The following ATG16L2 variants were observed in gnomAD, a reference collection of about 807,000 sequenced individuals.
ATG16L2 encodes autophagy related 16 like 2.
Under a neutral mutation model 84.7 loss-of-function variants are expected in ATG16L2, and 77 were observed. That is an observed-to-expected ratio of 0.91 (90% CI 0.76 to 1.10). ATG16L2 has a LOEUF of 1.10. Among genes scored for constraint, ATG16L2 ranks in the 50% least tolerant of loss-of-function variants. The pLI, the probability that ATG16L2 is intolerant of heterozygous loss-of-function variation, is 0.00. For synonymous variants in ATG16L2, 361 were observed against 342.8 expected, an observed-to-expected ratio of 1.05 and a Z score of -0.59; for missense variants, 782 against 817.6, an observed-to-expected ratio of 0.96 and a Z score of 0.53.
chr11:72,838,668 T>C (rs980132116), intron 5 of ATG16L2: 14 of 777,976 alleles, frequency 1.8e-5, no homozygotes, highest in Non-Finnish European at 2.2e-5. Context: ...CAGTCACACA[T>C]AATCCTCCTT....
chr11:72,822,142 G>A lies in ATG16L2; in HGVS notation c.491G>A (p.Arg164Gln), dbSNP rs1166084942. Residue 164 changes from arginine to glutamine, a missense_variant, in exon 5 of 18, where the codon CGG becomes CAG. Coordinates refer to ENST00000321297, the MANE Select transcript of ATG16L2 (RefSeq NM_033388.2). The surrounding 1 kb of genome is among the most constrained non-coding windows in gnomAD (Gnocchi z 4.2). Reference protein sequence around the residue: ...EEWRAQNAVQRAAYEALRAHV... With the variant: ...EEWRAQNAVQQAAYEALRAHV... ...TGGCGGGCGCAGAATGCGGTGCAGC[G>A]GGCAGCCTACGAGGCGCTGCGCGCG... The A allele has an allele frequency of 6.0e-6, 9 of 1,501,376 alleles. No individual in the cohort carries two copies. The East Asian group carries it at 1.3e-4, about 21-fold the overall frequency. 93.0% of individuals were successfully genotyped at this position (1,501,376 alleles called of 1,614,324 possible).
Position 72,822,775 on chromosome 11 carries a change from G to C in ATG16L2, c.711-73G>C, listed in dbSNP as rs766370199. ...TCATCACTGGGAATTCCTGTCTTCA[G>C]CGTATCCTGTGCTGGGGTCGGGAGG... On this transcript the variant is annotated intron_variant, in intron 6 of 17. Transcript: ENST00000321297. This position sits in a 1 kb window ranked among gnomAD's most constrained non-coding sequence, Gnocchi z 4.2. 45 of 1,226,806 alleles carry C rather than the reference G, an allele frequency of 3.7e-5. No individual in the cohort carries two copies. The highest frequency in any genetic ancestry group is 5.1e-5 in the Non-Finnish European group (45 of 874,832). The allele number at this position is 1,226,806 out of a possible 1,614,324, so 76.0% of individuals were successfully genotyped here.
chr11:72,818,688 G>A (rs1485480705), intron 3 of ATG16L2: 1 of 152,166 alleles, frequency 6.6e-6, no homozygotes, highest in African/African-American at 2.4e-5. Context: ...GTAGAGCCAG[G>A]ATTTGAGCCC....
In ATG16L2 at chr11:72,827,255, T is replaced by C. The variant is rs367645022; in HGVS notation, c.1434T>C (p.Ser478=). ...DVVCGDHIII[S]GHNDQKIRFW... The stretch of plus-strand genomic sequence containing the variant: ...TGTGTGGGGACCATATCATCATTAG[T>C]GGCCACAATGACCAGAAGATCCGGT... Residue 478 remains serine, a synonymous_variant, in exon 14 of 18, where the codon AGT becomes AGC. Transcript: ENST00000321297. 13 of 1,614,038 alleles carry C rather than the reference T, an allele frequency of 8.1e-6. No homozygotes were observed. The highest frequency in any genetic ancestry group is 1.7e-4 in the Middle Eastern group (1 of 6,060).
At chr11:72,827,883 A>C (rs1860453017) in intron 14 of ATG16L2, among the ~76,000 whole-genome samples, 1 of 152,242 alleles carries the variant, frequency 6.6e-6, no homozygotes, top group South Asian at 2.1e-4. Context: ...CAGTGAGCCC[A>C]GATTGCGCCA....
rs1860016097 is a variant in ATG16L2 at position 72,821,909 on chromosome 11, T to A, written c.393-135T>A. On this transcript the variant is annotated intron_variant, in intron 4 of 17. Coordinates refer to ENST00000321297, the MANE Select transcript of ATG16L2 (RefSeq NM_033388.2). The stretch of plus-strand genomic sequence containing the variant: ...ACGGCTGGGCTCTGAGGGCGAAGGC[T>A]TGGGGGAGACCTGGCTTAGCCACCC... The A allele has an allele frequency of 4.2e-6, 6 of 1,420,104 alleles. No individual in the cohort carries two copies. The Admixed American group carries it at 1.6e-4, about 38-fold the overall frequency. 88.0% of individuals were successfully genotyped at this position (1,420,104 alleles called of 1,614,324 possible). A position where few individuals can be genotyped will look rare whatever the true frequency, so the allele number is the denominator to read the frequency against.
chr11:72,814,987 A>C (rs1194725297), intron 1 of ATG16L2, among the ~76,000 whole-genome samples: 1 of 152,082 alleles, frequency 6.6e-6, no homozygotes, highest in Non-Finnish European at 1.5e-5. Context: ...CCATCCGGAG[A>C]GGGGCGACAC....
rs777627260 is a variant in ATG16L2 at position 72,838,760 on chromosome 11, T to C, written c.*22-3857T>C. 8 of 1,554,704 alleles carry C rather than the reference T, an allele frequency of 5.1e-6. No homozygotes were observed. The African/African-American group carries it at 5.4e-5, about 11-fold the overall frequency. On this transcript the variant is annotated intron_variant, in intron 5 of 5. Transcript: ENST00000534905. ...GGCCAAACTCCAAGCCTGGCCTTGA[T>C]TGTAGCAGTAATGGATGGGCAAGCC...
At chr11:72,841,614 G>C (rs1289253297) in intron 5 of ATG16L2, 1 of 1,565,166 alleles carries the variant, frequency 6.4e-7, no homozygotes, top group East Asian at 2.3e-5. Context: ...GTTACCCGGT[G>C]CTCCCCTCCA....
intron 5 of ATG16L2, chr11:72,838,915 G>T: frequency 6.4e-7 from 1 of 1,551,586 alleles, no homozygotes; most frequent in Non-Finnish European, 8.8e-7. Context: ...GTCAGTTCCT[G>T]ACTCAGTATC....
At position 72,826,760 on chromosome 11, in the gene ATG16L2, C is replaced by T. The variant is rs1310479733; in HGVS notation, c.1303C>T (p.His435Tyr). 1.9e-6 allele frequency: 3 copies of T among 1,613,996 alleles called. No homozygotes were observed. Residue 435 changes from histidine to tyrosine, a missense_variant, in exon 13 of 18, where the codon CAC (histidine) becomes TAC (tyrosine). Coordinates refer to ENST00000321297, the MANE Select transcript of ATG16L2 (RefSeq NM_033388.2). The part of the protein sequence containing the change: ...VTAAKFKLTR[H>Y]QAVTGSRDRT... ...AGCTGCCAAATTCAAGCTAACGAGGCACCAGGCAGTGACTGGGAGCCGCGA... is the reference window on the plus strand; with the variant it reads ...AGCTGCCAAATTCAAGCTAACGAGGTACCAGGCAGTGACTGGGAGCCGCGA...
At chr11:72,836,633 CTCTG>C (rs1456713513) in intron 5 of ATG16L2, 1 of 152,508 alleles carries the variant, frequency 6.6e-6, no homozygotes, top group Admixed American at 6.6e-5. Flanking sequence ...TTTCTCCTCT[CTCTG>C]TCTGTTAGCT....
chr11:72,841,360 AAAAAG>A, intron 5 of ATG16L2: 1 of 1,174,956 alleles, frequency 8.5e-7, no homozygotes, highest in South Asian at 1.4e-5. Flanking sequence ...AAAAAAAAAA[AAAAAG>A]CAAATGCAGT....
chr11:72,823,693 C>T (rs1048661204), intron 7 of ATG16L2: 4 of 468,096 alleles, frequency 8.5e-6, no homozygotes, highest in African/African-American at 2.0e-5. Flanking sequence ...GCTGAGGTCA[C>T]CCAGTGAGCC....
downstream of ATG16L2, among the ~76,000 whole-genome samples, chr11:72,830,195 G>A (rs1860576083): frequency 6.6e-6 from 1 of 152,156 alleles, no homozygotes; most frequent in Non-Finnish European, 1.5e-5. Context: ...CAGAGTTGGG[G>A]CAAACCAACT....
intron 13 of ATG16L2, 133 bp downstream of exon 13, chr11:72,826,956 C>A: frequency 9.6e-7 from 1 of 1,040,872 alleles, no homozygotes; most frequent in Non-Finnish European, 1.4e-6. Context: ...CCTCTCAAGG[C>A]CCTCCAATTC....
chr11:72,828,660 G>T, intron 15 of ATG16L2, 69 bp from the exon 16 acceptor site: 1 of 1,603,874 alleles, frequency 6.2e-7, no homozygotes, highest in Non-Finnish European at 8.5e-7. Context: ...AGGAAGCTCT[G>T]GAAGCTCACT....
chr11:72,841,030 T>C (rs1860913159), intron 5 of ATG16L2: 16 of 1,188,808 alleles, frequency 1.3e-5, no homozygotes, highest in Non-Finnish European at 2.0e-5. Flanking sequence ...AAGGCTGGCA[T>C]GGTGGCTTGA....
At chr11:72,825,233 AG>A in intron 9 of ATG16L2, 68 bp from the exon 10 acceptor site, 1 of 1,215,286 alleles carries the variant, frequency 8.2e-7, no homozygotes, top group Non-Finnish European at 1.2e-6. Flanking sequence ...CACCGGTAAG[AG>A]GGCCCGTGAG....
Sources: gnomAD v4.1 joint callset for allele counts (sites outside exome capture counted in the v4.1 genomes callset) on GRCh38, gnomAD v4.1.1 for gene constraint, Gnocchi (gnomAD v3.1) non-coding constraint, MANE v1.5 for transcripts, NCBI Gene and HGNC (gene_info 2026-07-23, HGNC 2026-07-21) for gene names.